The following FARS2 variants were observed in gnomAD, a reference collection of about 807,000 sequenced individuals.
FARS2 encodes phenylalanine--tRNA ligase, mitochondrial.
Under a neutral mutation model 46.4 loss-of-function variants are expected in FARS2, and 40 were observed. That is an observed-to-expected ratio of 0.86 (90% confidence interval 0.67 to 1.12). FARS2 has a LOEUF of 1.12. FARS2 is among the 50% of genes most tolerant of loss of function. FARS2 has a pLI of 0.00. For missense variants in FARS2, 513 were observed against 567.9 expected, an observed-to-expected ratio of 0.90 and a Z score of 0.98; for synonymous variants, 234 against 214.9, an observed-to-expected ratio of 1.09 and a Z score of -0.78.
intron 5 of FARS2, among the ~76,000 whole-genome samples, chr6:5,598,217 T>C (rs1003199146): frequency 4.0e-5 from 6 of 151,856 alleles, no homozygotes; most frequent in African/African-American, 1.5e-4. Context: ...TGAGACCCCG[T>C]CTCTGCAAAA....
At chr6:5,300,693 C>G (rs1383728862) in intron 1 of FARS2, among the ~76,000 whole-genome samples, 1 of 151,690 alleles carries the variant, frequency 6.6e-6, no homozygotes, top group African/African-American at 2.4e-5. Context: ...TTTTTTGAGA[C>G]AGGGTCTTGC....
At chr6:5,481,870 T>C (rs966455529) in intron 4 of FARS2, among the ~76,000 whole-genome samples, 4 of 152,188 alleles carry the variant, frequency 2.6e-5, no homozygotes, top group African/African-American at 9.7e-5. Context: ...TTTTCACACG[T>C]GGAGACGCAG....
chr6:5,347,005 C>T (rs1757281283), intron 1 of FARS2, among the ~76,000 whole-genome samples: 1 of 151,854 alleles, frequency 6.6e-6, no homozygotes, highest in Non-Finnish European at 1.5e-5. Flanking sequence ...CCTCCGCCTT[C>T]CAGGTTCAAG....
chr6:5,553,183 T>C (rs1771467810), intron 5 of FARS2, among the ~76,000 whole-genome samples: 1 of 152,194 alleles, frequency 6.6e-6, no homozygotes, highest in Non-Finnish European at 1.5e-5. Context: ...ACTGGCTCTC[T>C]TCTGAGGCCA....
intron 6 of FARS2, among the ~76,000 whole-genome samples, chr6:5,656,363 G>A (rs925950856): frequency 1.3e-5 from 2 of 152,186 alleles, no homozygotes; most frequent in African/African-American, 4.8e-5. Context: ...AGAACTGGAA[G>A]TGTAACCAGG....
At chr6:5,313,843 T>TTAAAA (rs138853513) in intron 1 of FARS2, among the ~76,000 whole-genome samples, 3,901 of 151,278 alleles carry the variant, frequency 0.026, 130 homozygotes, top group African/African-American at 0.074. Context: ...AAAATTAAAT[T>TTAAAA]TAAAATAAAA....
intron 6 of FARS2, among the ~76,000 whole-genome samples, chr6:5,733,850 G>A (rs1206286752): frequency 1.3e-5 from 2 of 152,208 alleles, no homozygotes; most frequent in Non-Finnish European, 2.9e-5. Context: ...GTGTAACCCT[G>A]TGAAATCACT....
At chr6:5,281,876 G>A (rs1561929276) in intron 1 of FARS2, among the ~76,000 whole-genome samples, 2 of 152,110 alleles carry the variant, frequency 1.3e-5, no homozygotes, top group East Asian at 1.9e-4. Context: ...CTAACCTTAT[G>A]TGTTCACCCG....
chr6:5,632,779 C>T (rs1207466759), intron 6 of FARS2, among the ~76,000 whole-genome samples: 1 of 151,998 alleles, frequency 6.6e-6, no homozygotes, highest in Non-Finnish European at 1.5e-5. Context: ...CATTTATGTA[C>T]TGCTTTGGAG....
intron 6 of FARS2, among the ~76,000 whole-genome samples, chr6:5,643,757 A>T (rs2150744608): frequency 6.6e-6 from 1 of 152,284 alleles, no homozygotes; most frequent in Middle Eastern, 3.4e-3. Context: ...ACAGTCTACC[A>T]GCCTGAGCAT....
chr6:5,347,857 A>G (rs1336288564), intron 1 of FARS2, among the ~76,000 whole-genome samples: 1 of 152,222 alleles, frequency 6.6e-6, no homozygotes, highest in Non-Finnish European at 1.5e-5. Context: ...AACAACAACA[A>G]GAACAATAAT....
chr6:5,496,829 T>C (rs1767497328), intron 4 of FARS2, among the ~76,000 whole-genome samples: 3 of 152,192 alleles, frequency 2.0e-5, no homozygotes, highest in African/African-American at 7.2e-5. Flanking sequence ...TTTGTTGTTG[T>C]TGTTGTTTCT....
At chr6:5,659,843 C>G (rs1777770093) in intron 6 of FARS2, among the ~76,000 whole-genome samples, 1 of 152,206 alleles carries the variant, frequency 6.6e-6, no homozygotes, top group South Asian at 2.1e-4. Flanking sequence ...TTTCATCCTG[C>G]CTAAATCCTC....
At chr6:5,754,459 A>T (rs1006326094) in intron 6 of FARS2, among the ~76,000 whole-genome samples, 6 of 152,244 alleles carry the variant, frequency 3.9e-5, no homozygotes, top group African/African-American at 1.4e-4. Flanking sequence ...CCACGGCTTT[A>T]AAACAGTCTT....
chr6:5,342,744 CTCTG>C (rs1476286853), intron 1 of FARS2, among the ~76,000 whole-genome samples: 1 of 149,120 alleles, frequency 6.7e-6, no homozygotes, highest in Non-Finnish European at 1.5e-5. Flanking sequence ...AAGAGCGAGA[CTCTG>C]TCTAAGAAAA....
chr6:5,473,946 A>C (rs1765960117), intron 4 of FARS2, among the ~76,000 whole-genome samples: 1 of 152,226 alleles, frequency 6.6e-6, no homozygotes, highest in Non-Finnish European at 1.5e-5. Flanking sequence ...CTGTGTTTTT[A>C]GAACACCACT....
At chr6:5,566,540 C>G (rs1312157062) in intron 5 of FARS2, among the ~76,000 whole-genome samples, 12 of 152,106 alleles carry the variant, frequency 7.9e-5, no homozygotes, top group Admixed American at 7.9e-4. Flanking sequence ...CCAGAAGTCC[C>G]ATACTACCAG....
intron 6 of FARS2, among the ~76,000 whole-genome samples, chr6:5,688,307 T>C (rs1020245472): frequency 2.0e-5 from 3 of 152,242 alleles, no homozygotes; most frequent in African/African-American, 7.2e-5. Context: ...TTCCAGTTTT[T>C]GCCCATTCAG....
At chr6:5,664,045 C>T (rs1011993758) in intron 6 of FARS2, among the ~76,000 whole-genome samples, 1 of 152,216 alleles carries the variant, frequency 6.6e-6, no homozygotes, top group African/African-American at 2.4e-5. Flanking sequence ...AACAGTATCC[C>T]ACTGTTAGCA....
Sources: allele counts gnomAD v4.1 joint callset (sites outside exome capture counted in the v4.1 genomes callset), GRCh38; gene constraint gnomAD v4.1.1; transcripts MANE v1.5; gene names NCBI Gene and HGNC (gene_info 2026-07-23, HGNC 2026-07-21).